The following TEX2 variants were observed in gnomAD, a reference collection of about 807,000 sequenced individuals.
TEX2 encodes testis expressed 2.
Under a neutral mutation model 106.9 loss-of-function variants are expected in TEX2, and 53 were observed. The observed-to-expected ratio is 0.50, with a 90% CI of 0.40 to 0.62. The LOEUF (loss-of-function observed/expected upper bound fraction) is 0.62, where lower values mean the gene tolerates loss of function less well. Ranked by LOEUF, TEX2 falls within the 20% of genes least tolerant of loss-of-function variation. The pLI is 0.00. For missense variants in TEX2, 1,207 were observed against 1,379.0 expected, an observed-to-expected ratio of 0.88 and a Z score of 1.98; for synonymous variants, 523 against 534.8, an observed-to-expected ratio of 0.98 and a Z score of 0.30.
rs574058810 is a variant in TEX2 at position 64,153,469 on chromosome 17, A to T, written c.2931-315T>A. Among the ~76,000 whole-genome samples, 21 of 152,198 alleles carry T rather than the reference A, an allele frequency of 1.4e-4. No homozygotes were observed. The highest frequency in any genetic ancestry group is 4.8e-4 in the African/African-American group (20 of 41,490). ...ACTTCAGAGAAGGTGTAAATGTCTG[A>T]AACAGTCCAAACCTTGACAATGGAG... On this transcript the variant is annotated intron_variant, in intron 9 of 11. Transcript: ENST00000584379. This position sits in a 1 kb window ranked among gnomAD's most constrained non-coding sequence, Gnocchi z 4.1.
intron 1 of TEX2, among the ~76,000 whole-genome samples, chr17:64,218,243 C>T (rs1555632858): frequency 2.0e-5 from 3 of 150,656 alleles, no homozygotes; most frequent in Non-Finnish European, 4.4e-5. Flanking sequence ...GAGACTCTGA[C>T]TCCAGAAAAA....
chr17:64,262,826 A>C (rs1555638779), intron 1 of TEX2, among the ~76,000 whole-genome samples: 1 of 152,074 alleles, frequency 6.6e-6, no homozygotes, highest in Non-Finnish European at 1.5e-5. Flanking sequence ...CCATTCATAA[A>C]ATTGCAAGCC....
Position 64,149,055 on chromosome 17 carries a change from T to C in TEX2, c.3298A>G (p.Ile1100Val). The C allele has an allele frequency of 6.2e-7, 1 of 1,614,110 alleles. No individual in the cohort carries two copies. The highest frequency in any genetic ancestry group is 8.5e-7 in the Non-Finnish European group (1 of 1,179,956). The change falls in exon 12 of 12, where the codon ATC becomes GTC. Residue 1100 changes from isoleucine to valine, a missense_variant. Ile to Val is a conservative substitution (Grantham distance 29, BLOSUM62 3). Coordinates refer to ENST00000584379, the MANE Select transcript of TEX2 (RefSeq NM_001288732.2). ...FVMPNMDDVY[I>V]TIMHSAMDPR... ...TCCATGGCTGAGTGCATTATAGTGA[T>C]ATAAACATCATCCATGTTTGGCATG...
intron 6 of TEX2, among the ~76,000 whole-genome samples, chr17:64,171,540 G>A (rs1208339479): frequency 6.6e-6 from 1 of 152,086 alleles, no homozygotes; most frequent in Non-Finnish European, 1.5e-5. Flanking sequence ...TGGCTGAGGA[G>A]GTCAGGGATG....
chr17:64,221,362 T>A (rs1194534979), intron 1 of TEX2, among the ~76,000 whole-genome samples: 1 of 152,018 alleles, frequency 6.6e-6, no homozygotes, highest in Non-Finnish European at 1.5e-5. Context: ...TAAAATTAAA[T>A]TACATTTTTA....
At chr17:64,262,931 C>G (rs1555638797) in intron 1 of TEX2, among the ~76,000 whole-genome samples, 1 of 152,152 alleles carries the variant, frequency 6.6e-6, no homozygotes, top group Non-Finnish European at 1.5e-5. Flanking sequence ...CCGCCGGAGT[C>G]GAGCCCGAGC....
intron 1 of TEX2, among the ~76,000 whole-genome samples, chr17:64,258,782 CAG>C (rs2034233652): frequency 6.9e-6 from 1 of 144,392 alleles, no homozygotes; most frequent in Non-Finnish European, 1.5e-5. Flanking sequence ...TTTTTTTAAA[CAG>C]AGTCTCACTC....
At chr17:64,199,502 G>A (rs1555629814) in intron 2 of TEX2, among the ~76,000 whole-genome samples, 1 of 152,182 alleles carries the variant, frequency 6.6e-6, no homozygotes, top group Non-Finnish European at 1.5e-5. Flanking sequence ...CTCCCAAAGT[G>A]CTGGGATTAC....
intron 8 of TEX2, 117 bp downstream of exon 8, chr17:64,160,684 A>C: frequency 7.7e-7 from 1 of 1,305,214 alleles, no homozygotes; most frequent in Admixed American, 2.2e-5. Context: ...AGGAGCACTT[A>C]CACAGAAGCT....
chr17:64,262,828 T>C (rs1047330015), intron 1 of TEX2, among the ~76,000 whole-genome samples: 3 of 152,078 alleles, frequency 2.0e-5, no homozygotes, highest in Admixed American at 2.0e-4. Flanking sequence ...ATTCATAAAA[T>C]TGCAAGCCGT....
chr17:64,244,787 G>C (rs2033956290), intron 1 of TEX2, among the ~76,000 whole-genome samples: 2 of 151,942 alleles, frequency 1.3e-5, no homozygotes, highest in African/African-American at 4.8e-5. Flanking sequence ...ACAAAATCCT[G>C]TTCTCTAGTT....
At chr17:64,193,429 C>A in intron 4 of TEX2, 130 bp downstream of exon 4, 1 of 695,386 alleles carries the variant, frequency 1.4e-6, no homozygotes, top group South Asian at 3.8e-5. Flanking sequence ...TGAGAATGCA[C>A]ATTAGGTGGC....
chr17:64,250,677 T>C (rs2034072847), intron 1 of TEX2, among the ~76,000 whole-genome samples: 1 of 152,132 alleles, frequency 6.6e-6, no homozygotes, highest in African/African-American at 2.4e-5. Context: ...TGCTCCCCTC[T>C]CACTTTTTTA....
chr17:64,183,358 C>G (rs1197342790), intron 5 of TEX2, among the ~76,000 whole-genome samples: 1 of 152,216 alleles, frequency 6.6e-6, no homozygotes, highest in Non-Finnish European at 1.5e-5. Flanking sequence ...TGAGGAAATA[C>G]CAAACTATTT....
intron 2 of TEX2, among the ~76,000 whole-genome samples, chr17:64,210,634 C>CCTTT (rs1360266899): frequency 1.5e-3 from 115 of 74,758 alleles, no homozygotes; most frequent in African/African-American, 6.5e-3. Flanking sequence ...CAACCCCCAG[C>CCTTT]TTTTTTTTTT....
At chr17:64,201,425 A>G (rs1464956917) in intron 2 of TEX2, among the ~76,000 whole-genome samples, 1 of 152,188 alleles carries the variant, frequency 6.6e-6, no homozygotes, top group African/African-American at 2.4e-5. Flanking sequence ...TAATATTACT[A>G]TTCATAATAA....
intron 6 of TEX2, among the ~76,000 whole-genome samples, chr17:64,173,797 A>G (rs1285516119): frequency 6.6e-6 from 1 of 152,102 alleles, no homozygotes; most frequent in Non-Finnish European, 1.5e-5. Flanking sequence ...GCCAAGTTAG[A>G]GAGACTTCCA....
chr17:64,149,102 A>G lies in TEX2; in HGVS notation c.3262-11T>C, dbSNP rs775497909. 1.7e-5 allele frequency: 28 copies of G among 1,613,318 alleles called. No homozygotes were observed. Among genetic ancestry groups the G allele is most frequent in the Non-Finnish European group, 2.4e-5 (28 of 1,179,600 alleles). Reference sequence around the variant, plus strand: ...CATGACAAAAACTTTCTGTAGGAAGATATTAAAGAACAGCTATGTGGAAGA... The same window carrying G: ...CATGACAAAAACTTTCTGTAGGAAGGTATTAAAGAACAGCTATGTGGAAGA... On this transcript the variant is annotated splice_polypyrimidine_tract_variant and intron_variant, in intron 11 of 11. Coordinates refer to ENST00000584379, the MANE Select transcript of TEX2 (RefSeq NM_001288732.2).
chr17:64,233,894 A>G (rs529254422), intron 1 of TEX2, among the ~76,000 whole-genome samples: 2 of 152,272 alleles, frequency 1.3e-5, no homozygotes, highest in South Asian at 4.1e-4. Flanking sequence ...TTCACTACAC[A>G]TGCCTGTACT....
Sources: allele counts gnomAD v4.1 joint callset (sites outside exome capture counted in the v4.1 genomes callset), GRCh38; gene constraint gnomAD v4.1.1; non-coding constraint Gnocchi (gnomAD v3.1); transcripts MANE v1.5; gene names NCBI Gene and HGNC (gene_info 2026-07-23, HGNC 2026-07-21).